The following CSMD1 variants were observed in gnomAD, a reference collection of about 807,000 sequenced individuals.
CSMD1 encodes CUB and Sushi multiple domains 1, also known as CUB and sushi domain-containing protein 1.
CSMD1 carries 213 observed loss-of-function variants against 417.5 expected under a neutral mutation model. That is an observed-to-expected ratio of 0.51 (90% CI 0.46 to 0.57). The LOEUF is 0.57. Ranked by LOEUF, CSMD1 falls within the 20% of genes least tolerant of loss-of-function variation. CSMD1 has a pLI of 0.00. For synonymous variants in CSMD1, 2,862 were observed against 1,736.8 expected, an observed-to-expected ratio of 1.65 and a Z score of -16.11; for missense variants, 6,923 against 4,529.7, an observed-to-expected ratio of 1.53 and a Z score of -15.17.
At chr8:4,861,230 G>T (rs917733814) in intron 1 of CSMD1, among the ~76,000 whole-genome samples, 1 of 152,078 alleles carries the variant, frequency 6.6e-6, no homozygotes, top group African/African-American at 2.4e-5. Context: ...TACTTCTGTA[G>T]ACAGTAATAT....
intron 4 of CSMD1, among the ~76,000 whole-genome samples, chr8:4,023,773 T>C (rs1796914070): frequency 8.3e-6 from 1 of 120,750 alleles, no homozygotes; most frequent in Non-Finnish European, 1.7e-5. Context: ...TTTTTTTTTT[T>C]TTTTTTTTTT....
intron 46 of CSMD1, among the ~76,000 whole-genome samples, chr8:3,100,815 G>C (rs1372041914): frequency 6.6e-6 from 1 of 152,156 alleles, no homozygotes; most frequent in East Asian, 1.9e-4. Flanking sequence ...GGATTTATGA[G>C]TAACTAAGAT....
At chr8:4,559,018 A>G (rs1798214430) in intron 2 of CSMD1, among the ~76,000 whole-genome samples, 1 of 152,140 alleles carries the variant, frequency 6.6e-6, no homozygotes. Flanking sequence ...CATTCATCGT[A>G]GAGTTCTTTG....
intron 3 of CSMD1, among the ~76,000 whole-genome samples, chr8:4,224,579 G>A (rs1801232904): frequency 6.6e-6 from 1 of 152,164 alleles, no homozygotes. Context: ...CTTCAGTGGT[G>A]CCTCCGGAGT....
At position 4,703,210 on chromosome 8, in the gene CSMD1, T is replaced by C. The variant is rs377506413; in HGVS notation, c.86-65652A>G. ...TTACAAAATTCAGTGGATGATGCTA[T>C]AGCTCATACAGTGTAAACCAACGGT... On this transcript the variant is annotated intron_variant, in intron 1 of 69. Coordinates refer to ENST00000635120, the MANE Select transcript of CSMD1 (RefSeq NM_033225.6). 1.5e-3 allele frequency among the ~76,000 whole-genome samples: 223 copies of C among 152,324 alleles called. 7 individuals are homozygous for C. In the South Asian group the frequency reaches 0.041, roughly 28 times the overall value.
At chr8:4,659,883 T>A (rs1804478660) in intron 1 of CSMD1, among the ~76,000 whole-genome samples, 3 of 152,088 alleles carry the variant, frequency 2.0e-5, no homozygotes. Context: ...ATAAAAATCA[T>A]GTCCATCAGG....
In CSMD1 at chr8:3,406,235, A is replaced by T; in HGVS notation, c.2072-14T>A. 1 of 1,559,012 alleles carries T rather than the reference A, an allele frequency of 6.4e-7. No homozygotes were observed. Among genetic ancestry groups the T allele is most frequent in the African/African-American group, 1.4e-5 (1 of 72,768 alleles). On this transcript the variant is annotated splice_polypyrimidine_tract_variant and intron_variant, in intron 14 of 69. Coordinates refer to ENST00000635120, the MANE Select transcript of CSMD1 (RefSeq NM_033225.6). ...TCTGACCAAATGCTGAAAGAAAAAG[A>T]AGAAGAAAAAAGGAATAAAAATACT...
intron 3 of CSMD1, among the ~76,000 whole-genome samples, chr8:4,094,442 G>A (rs1800892511): frequency 6.6e-6 from 1 of 152,178 alleles, no homozygotes; most frequent in Admixed American, 6.5e-5. Flanking sequence ...TTTGCTGTGG[G>A]AAGTGAGGTA....
chr8:4,744,987 T>C (rs1253666388), intron 1 of CSMD1, among the ~76,000 whole-genome samples: 2 of 152,204 alleles, frequency 1.3e-5, no homozygotes, highest in African/African-American at 2.4e-5. Flanking sequence ...AAACATACAC[T>C]TGTTTCAAAC....
At chr8:3,712,459 T>G (rs1312874264) in intron 6 of CSMD1, among the ~76,000 whole-genome samples, 2 of 149,920 alleles carry the variant, frequency 1.3e-5, no homozygotes, top group African/African-American at 2.5e-5. Context: ...AGAGAGAAAC[T>G]AGAGCTGCAG....
At chr8:4,729,976 T>A (rs1041900324) in intron 1 of CSMD1, among the ~76,000 whole-genome samples, 2 of 152,124 alleles carry the variant, frequency 1.3e-5, no homozygotes, top group Admixed American at 1.3e-4. Flanking sequence ...ACGGGACAAA[T>A]CACTTCTCCT....
At chr8:4,291,596 C>T (rs1413705780) in intron 3 of CSMD1, among the ~76,000 whole-genome samples, 1 of 152,100 alleles carries the variant, frequency 6.6e-6, no homozygotes, top group Non-Finnish European at 1.5e-5. Context: ...TATTTAATTT[C>T]TGTGGTCATT....
chr8:4,200,119 G>A (rs1031601952), intron 3 of CSMD1, among the ~76,000 whole-genome samples: 5 of 152,128 alleles, frequency 3.3e-5, no homozygotes, highest in Non-Finnish European at 7.4e-5. Context: ...TATAACAACT[G>A]AATGAGATTT....
chr8:4,549,854 G>C (rs1797789843), intron 2 of CSMD1, among the ~76,000 whole-genome samples: 1 of 126,370 alleles, frequency 7.9e-6, no homozygotes, highest in Non-Finnish European at 1.6e-5. Flanking sequence ...CCAAGATCTT[G>C]CCACTGCACT....
intron 25 of CSMD1, among the ~76,000 whole-genome samples, chr8:3,294,452 G>C (rs1803811859): frequency 6.6e-6 from 1 of 152,172 alleles, no homozygotes; most frequent in Non-Finnish European, 1.5e-5. Context: ...AGGCTTCCTT[G>C]AGCTGTGGTG....
intron 10 of CSMD1, among the ~76,000 whole-genome samples, chr8:3,570,293 T>G (rs528953099): frequency 6.6e-6 from 1 of 152,374 alleles, no homozygotes; most frequent in African/African-American, 2.4e-5. Flanking sequence ...TGCCTGGATG[T>G]GATGGATATC....
intron 5 of CSMD1, among the ~76,000 whole-genome samples, chr8:3,923,195 G>A (rs1313496237): frequency 1.3e-5 from 2 of 152,072 alleles, no homozygotes; most frequent in South Asian, 2.1e-4. Context: ...ACTAATGAGT[G>A]GCTGACTCTG....
intron 3 of CSMD1, among the ~76,000 whole-genome samples, chr8:4,371,367 C>G (rs1427572105): frequency 6.6e-6 from 1 of 152,058 alleles, no homozygotes; most frequent in African/African-American, 2.4e-5. Flanking sequence ...TTGAGAGAAA[C>G]TTCCTGTTAT....
chr8:4,218,555 C>T (rs1230777717), intron 3 of CSMD1, among the ~76,000 whole-genome samples: 1 of 152,132 alleles, frequency 6.6e-6, no homozygotes, highest in Admixed American at 6.6e-5. Flanking sequence ...GTTTCTGAGT[C>T]AAGTTGTCTA....
Sources: gnomAD v4.1 joint callset for allele counts (sites outside exome capture counted in the v4.1 genomes callset) on GRCh38, gnomAD v4.1.1 for gene constraint, MANE v1.5 for transcripts, NCBI Gene and HGNC (gene_info 2026-07-23, HGNC 2026-07-21) for gene names.